FUT8: variants seen among roughly 807,000 people sequenced by gnomAD.
FUT8 encodes alpha-(1,6)-fucosyltransferase.
In FUT8, 29 loss-of-function variants were observed where a neutral mutation model predicts 71.3. The observed-to-expected ratio is 0.41, with a 90% confidence interval of 0.30 to 0.55. The LOEUF (loss-of-function observed/expected upper bound fraction) is 0.55. FUT8 is among the 20% of genes least tolerant of loss of function. FUT8 has a pLI of 0.34. For missense variants in FUT8, 544 were observed against 702.1 expected, an observed-to-expected ratio of 0.77 and a Z score of 2.55; for synonymous variants, 254 against 239.3, an observed-to-expected ratio of 1.06 and a Z score of -0.57.
chr14:65,405,523 C>T, the FUT8 span, among the ~76,000 whole-genome samples: 1 of 152,104 alleles, frequency 6.6e-6, no homozygotes, highest in Non-Finnish European at 1.5e-5. Flanking sequence ...AATTTTTCCT[C>T]TTCTTATTTT....
chr14:65,500,418 G>A (rs920933399), intron 2 of FUT8, among the ~76,000 whole-genome samples: 5 of 152,164 alleles, frequency 3.3e-5, no homozygotes, highest in African/African-American at 1.2e-4. Context: ...TGTGAAACTA[G>A]CATTAAGAGC....
chr14:65,717,175 C>T (rs1473159852), intron 7 of FUT8, among the ~76,000 whole-genome samples: 11 of 102,330 alleles, frequency 1.1e-4, no homozygotes, highest in South Asian at 3.5e-4. Context: ...CGCTTCTCAC[C>T]TCCCAGACGG....
intron 2 of FUT8, among the ~76,000 whole-genome samples, chr14:65,558,366 A>G (rs1594768286): frequency 6.6e-6 from 1 of 151,758 alleles, no homozygotes; most frequent in Non-Finnish European, 1.5e-5. Context: ...TTTTAGGCCA[A>G]TTAAATTTAA....
At chr14:65,696,989 A>G (rs545702975) in intron 7 of FUT8, among the ~76,000 whole-genome samples, 14 of 152,224 alleles carry the variant, frequency 9.2e-5, no homozygotes, top group African/African-American at 3.1e-4. Flanking sequence ...TTTTTAGCCT[A>G]TTATTCATAG....
chr14:65,713,630 A>G (rs1894912015), intron 7 of FUT8, among the ~76,000 whole-genome samples: 1 of 152,148 alleles, frequency 6.6e-6, no homozygotes, highest in Admixed American at 6.5e-5. Context: ...TTTGATGATC[A>G]TTGATGCTGA....
chr14:65,657,055 A>G lies in FUT8; in HGVS notation c.598-12188A>G, dbSNP rs1891717795. Reference sequence around the variant, plus strand: ...CATACTATGAAACTACTAAAAGGAAACATTGGGGAAACTCTCCAGGACACT... The same window carrying G: ...CATACTATGAAACTACTAAAAGGAAGCATTGGGGAAACTCTCCAGGACACT... On this transcript the variant is annotated intron_variant, in intron 6 of 10. Coordinates refer to ENST00000673929, the MANE Select transcript of FUT8 (RefSeq NM_001371533.1). Among the ~76,000 whole-genome samples the G allele has an allele frequency of 5.9e-5, 9 of 152,166 alleles. No individual in the cohort carries two copies. The South Asian group carries it at 1.9e-3, about 32-fold the overall frequency.
chr14:65,552,209 G>A (rs1885329510), intron 2 of FUT8, among the ~76,000 whole-genome samples: 1 of 152,124 alleles, frequency 6.6e-6, no homozygotes, highest in African/African-American at 2.4e-5. Flanking sequence ...CAGAATGTTA[G>A]TTGCTGTAAG....
chr14:65,535,123 A>T (rs1350616399), intron 2 of FUT8, among the ~76,000 whole-genome samples: 1 of 150,450 alleles, frequency 6.6e-6, no homozygotes, highest in African/African-American at 2.4e-5. Flanking sequence ...TTTTTTTGAG[A>T]CAGTCTCGCT....
At chr14:65,562,956 A>G (rs1885992477) in intron 3 of FUT8, among the ~76,000 whole-genome samples, 1 of 151,786 alleles carries the variant, frequency 6.6e-6, no homozygotes, top group Non-Finnish European at 1.5e-5. Context: ...TTTGTTTAGA[A>G]CTCGGATTTT....
At chr14:65,511,014 T>G (rs2139816124) in intron 2 of FUT8, among the ~76,000 whole-genome samples, 1 of 152,226 alleles carries the variant, frequency 6.6e-6, no homozygotes, top group South Asian at 2.1e-4. Flanking sequence ...TTTAAAGTTT[T>G]TCTTCCTTTT....
At chr14:65,690,711 T>C (rs2140435565) in intron 7 of FUT8, among the ~76,000 whole-genome samples, 2 of 151,036 alleles carry the variant, frequency 1.3e-5, no homozygotes, top group Non-Finnish European at 3.0e-5. Context: ...TGGTGGTATA[T>C]AGGAAAACAT....
chr14:65,544,334 G>A (rs978063308), intron 2 of FUT8, among the ~76,000 whole-genome samples: 1 of 152,020 alleles, frequency 6.6e-6, no homozygotes, highest in African/African-American at 2.4e-5. Flanking sequence ...GAGTTTCTAC[G>A]ATTATGACTC....
Position 65,549,790 on chromosome 14 carries a change from C to A in FUT8, c.-227-11547C>A, listed in dbSNP as rs147083116. On this transcript the variant is annotated intron_variant, in intron 2 of 10. Transcript: ENST00000673929. ...TGTAGTATCTGACAATAAGTCCTAT[C>A]AACAGTGGCTACCTGTATTAGTCTG... Among the ~76,000 whole-genome samples the A allele has an allele frequency of 2.9e-3, 449 of 152,238 alleles. 5 individuals are homozygous for A. The highest frequency in any genetic ancestry group is 9.9e-3 in the African/African-American group (409 of 41,500).
chr14:65,499,062 A>G (rs577561499), intron 2 of FUT8, among the ~76,000 whole-genome samples: 1 of 152,298 alleles, frequency 6.6e-6, no homozygotes, highest in South Asian at 2.1e-4. Context: ...CCAAATATAA[A>G]TAACAGTGGT....
intron 2 of FUT8, among the ~76,000 whole-genome samples, chr14:65,518,060 A>G (rs1167386024): frequency 6.6e-6 from 1 of 152,208 alleles, no homozygotes; most frequent in Non-Finnish European, 1.5e-5. Flanking sequence ...CTGGAAAAGC[A>G]GAATAAGTCT....
chr14:65,468,432 C>G, intron 2 of FUT8: 1 of 347,284 alleles, frequency 2.9e-6, no homozygotes, highest in Non-Finnish European at 5.3e-6. Context: ...TCACTTCACT[C>G]TTTTTGCTTG....
At chr14:65,439,952 GTGTATATATATA>G (rs1424509189) in intron 1 of FUT8, among the ~76,000 whole-genome samples, 12 of 38,220 alleles carry the variant, frequency 3.1e-4, no homozygotes, top group Admixed American at 1.9e-3. Context: ...GTGTGTGTGT[GTGTATATATATA>G]TATATATATA....
intron 2 of FUT8, among the ~76,000 whole-genome samples, chr14:65,484,403 A>C (rs1414242520): frequency 6.6e-6 from 1 of 152,136 alleles, no homozygotes; most frequent in African/African-American, 2.4e-5. Flanking sequence ...GGGCTGAGGA[A>C]GTTTTTTTCC....
Position 65,629,485 on chromosome 14 carries a change from T to G in FUT8, c.483-7T>G. ...AGTTCGATCTCCATTGTTGTTTGTT[T>G]TAACAGGTCTATAATGACGGATCTA... On this transcript the variant is annotated splice_region_variant and splice_polypyrimidine_tract_variant and intron_variant, in intron 5 of 10. Transcript: ENST00000673929. 1.3e-6 allele frequency: 2 copies of G among 1,598,836 alleles called. No individual in the cohort carries two copies. Among genetic ancestry groups the G allele is most frequent in the African/African-American group, 1.3e-5 (1 of 74,712 alleles).
Sources: allele counts gnomAD v4.1 joint callset (sites outside exome capture counted in the v4.1 genomes callset), GRCh38; gene constraint gnomAD v4.1.1; transcripts MANE v1.5; gene names NCBI Gene and HGNC (gene_info 2026-07-23, HGNC 2026-07-21).